Variants in ZNF474 observed in about 807,000 individuals in gnomAD.
ZNF474 encodes 4933409D10Rik.
For missense variants in ZNF474, 511 were observed against 433.8 expected (o/e 1.18, Z -1.58); for synonymous variants, 192 against 162.2 (o/e 1.18, Z -1.39).
At chr5:122,133,452 T>G (rs2152603083) in intron 1 of ZNF474, among the ~76,000 whole-genome samples, 1 of 152,320 alleles carries the variant, frequency 6.6e-6, no homozygotes, top group Non-Finnish European at 1.5e-5. Context: ...GAAAAAATAT[T>G]TTCCAGCATC....
Position 122,152,337 on chromosome 5 carries a change from G to A in ZNF474, c.347G>A (p.Cys116Tyr). The A allele has an allele frequency of 6.2e-7, 1 of 1,614,216 alleles. No homozygotes were observed. The highest frequency in any genetic ancestry group is 8.5e-7 in the Non-Finnish European group (1 of 1,180,044). Residue 116 changes from cysteine to tyrosine, a missense_variant, in exon 2 of 2, where the codon TGC becomes TAC. Physicochemically the swap from Cys to Tyr is radical, Grantham distance 194 (BLOSUM62 -2). Transcript: ENST00000296600. ...SQSIAIHEPQ[C>Y]LQKWHIENSK... ...TCAATTGCCATTCATGAACCCCAGT[G>A]CTTGCAGAAGTGGCATATTGAAAAC...
rs372779894 is a variant in ZNF474, at chr5:122,140,002, T to A, written c.-213+10319T>A. ...ATGCCTATTATTGGTGTCCCATGAA[T>A]GTAGGCCAATGGAATTCTCTGAAAA... On this transcript the variant is annotated intron_variant, in intron 1 of 1. Transcript: ENST00000296600. Among the ~76,000 whole-genome samples, 14 of 152,286 alleles carry A rather than the reference T, an allele frequency of 9.2e-5. No individual in the cohort carries two copies. In the East Asian group the frequency reaches 1.3e-3, roughly 15 times the overall value.
Position 122,153,178 on chromosome 5 carries a change from C to A in ZNF474, c.*93C>A. 1.3e-6 allele frequency: 2 copies of A among 1,490,182 alleles called. No individual in the cohort carries two copies. Among genetic ancestry groups the A allele is most frequent in the South Asian group, 1.4e-5 (1 of 72,392 alleles). 92.3% of individuals were successfully genotyped at this position (1,490,182 alleles called of 1,614,324 possible). On this transcript the variant is annotated 3_prime_UTR_variant, in exon 2 of 2. Coordinates refer to ENST00000296600, the MANE Select transcript of ZNF474 (RefSeq NM_207317.3). ...TGTATCAGCCTCAAAGCAGCCTGTTCAAGTTAACTCCCTGTTGAACTCCAG... is the reference window on the plus strand; with the variant it reads ...TGTATCAGCCTCAAAGCAGCCTGTTAAAGTTAACTCCCTGTTGAACTCCAG...
chr5:122,138,439 C>T (rs1369600246), intron 1 of ZNF474, among the ~76,000 whole-genome samples: 1 of 152,080 alleles, frequency 6.6e-6, no homozygotes, highest in Admixed American at 6.6e-5. Context: ...TGAGACTTCT[C>T]CCAAGTTCAA....
In ZNF474 at chr5:122,144,670, T is replaced by A. The variant is rs1755940322; in HGVS notation, c.-212-7109T>A. On this transcript the variant is annotated intron_variant, in intron 1 of 1. Transcript: ENST00000296600. ...TGAAAAAGACATATTGGTATAGAGC[T>A]ATCCTGTTGGAAGAAAATTATCCTA... 3.9e-5 allele frequency among the ~76,000 whole-genome samples: 6 copies of A among 152,240 alleles called. No homozygotes were observed. In the South Asian group the frequency reaches 1.2e-3, roughly 31 times the overall value.
intron 1 of ZNF474, among the ~76,000 whole-genome samples, chr5:122,145,146 T>G (rs1212044423): frequency 6.6e-6 from 1 of 152,220 alleles, no homozygotes; most frequent in Non-Finnish European, 1.5e-5. Flanking sequence ...TTTCTTGACC[T>G]AAAATTATTC....
intron 1 of ZNF474, among the ~76,000 whole-genome samples, chr5:122,139,837 A>T (rs1755790266): frequency 6.6e-6 from 1 of 152,234 alleles, no homozygotes; most frequent in South Asian, 2.1e-4. Flanking sequence ...TTCTCAAGAT[A>T]GAGAAGAAAA....
In ZNF474 at chr5:122,152,722, G is replaced by A. The variant is rs1378383043; in HGVS notation, c.732G>A (p.Leu244=). The A allele has an allele frequency of 6.2e-7, 1 of 1,614,124 alleles. No individual in the cohort carries two copies. The highest frequency in any genetic ancestry group is 1.3e-5 in the African/African-American group (1 of 75,020). The change falls in exon 2 of 2, where the codon CTG becomes CTA. Residue 244 remains leucine (L), a synonymous_variant. Transcript: ENST00000296600. ...LSLPIHEPKC[L]EKWKMENDRL... is the part of the protein sequence containing the mutation. ...TTCCTATTCATGAGCCCAAATGCCT[G>A]GAAAAGTGGAAAATGGAAAATGACC...
At chr5:122,137,800 TGGAG>T (rs1312780845) in intron 1 of ZNF474, among the ~76,000 whole-genome samples, 1 of 152,198 alleles carries the variant, frequency 6.6e-6, no homozygotes, top group Non-Finnish European at 1.5e-5. Flanking sequence ...GGGACAACCA[TGGAG>T]CAGTCAGTCA....
chr5:122,152,087 C>T lies in ZNF474; in HGVS notation c.97C>T (p.Leu33Phe). The T allele has an allele frequency of 1.9e-6, 3 of 1,614,214 alleles. No individual in the cohort carries two copies. The highest frequency in any genetic ancestry group is 2.5e-6 in the Non-Finnish European group (3 of 1,180,032). ...TTTCCTTATCAACCAAGCTGGGCTT[C>T]TCTCTAGTGACTCCTATTCTAGCCT... ...PTFLINQAGL[L>F]SSDSYSSLSP... Residue 33 changes from leucine to phenylalanine, a missense_variant, in exon 2 of 2, where the codon CTC becomes TTC. By Grantham distance (22) the Leu-to-Phe change is conservative. Coordinates refer to ENST00000296600, the MANE Select transcript of ZNF474 (RefSeq NM_207317.3).
rs768116945 is a variant in ZNF474, at chr5:122,152,860, T to C, written c.870T>C (p.Cys290=). Reference sequence around the variant, plus strand: ...CTCAGCTTGTGTTCTGCCCACATTGTAGCCGAATCTTTACCTCAGACCGCC... The same window carrying C: ...CTCAGCTTGTGTTCTGCCCACATTGCAGCCGAATCTTTACCTCAGACCGCC... ...NQAQLVFCPH[C]SRIFTSDRLL... The change falls in exon 2 of 2, where the codon TGT becomes TGC. Residue 290 remains cysteine, a synonymous_variant. Coordinates refer to ENST00000296600, the MANE Select transcript of ZNF474 (RefSeq NM_207317.3). The C allele has an allele frequency of 4.3e-5, 69 of 1,614,080 alleles. No homozygotes were observed. Among genetic ancestry groups the C allele is most frequent in the Non-Finnish European group, 5.7e-5 (67 of 1,180,050 alleles).
chr5:122,145,147 A>G (rs907211998), intron 1 of ZNF474, among the ~76,000 whole-genome samples: 1 of 152,210 alleles, frequency 6.6e-6, no homozygotes, highest in Non-Finnish European at 1.5e-5. Flanking sequence ...TTCTTGACCT[A>G]AAATTATTCA....
At chr5:122,131,250 G>A (rs1245422428) in intron 1 of ZNF474, among the ~76,000 whole-genome samples, 1 of 152,070 alleles carries the variant, frequency 6.6e-6, no homozygotes, top group African/African-American at 2.4e-5. Context: ...AAAACAATAT[G>A]GAAGTTCCTC....
At chr5:122,131,084 T>C (rs1269124604) in intron 1 of ZNF474, among the ~76,000 whole-genome samples, 1 of 151,992 alleles carries the variant, frequency 6.6e-6, no homozygotes, top group Non-Finnish European at 1.5e-5. Context: ...ATTAGGGAAA[T>C]GCAAATAAAA....
At chr5:122,135,507 G>T (rs541171746) in intron 1 of ZNF474, among the ~76,000 whole-genome samples, 5 of 152,188 alleles carry the variant, frequency 3.3e-5, no homozygotes, top group Non-Finnish European at 5.9e-5. Flanking sequence ...TGGTGGCGAG[G>T]ATGTGGAGAA....
intron 1 of ZNF474, among the ~76,000 whole-genome samples, chr5:122,147,590 G>C (rs1473082327): frequency 1.5e-5 from 2 of 137,910 alleles, no homozygotes; most frequent in Non-Finnish European, 3.0e-5. Context: ...TGTTCTCATT[G>C]TTCAGTTCCC....
At chr5:122,131,195 A>C (rs1166072878) in intron 1 of ZNF474, among the ~76,000 whole-genome samples, 1 of 152,112 alleles carries the variant, frequency 6.6e-6, no homozygotes, top group Non-Finnish European at 1.5e-5. Context: ...ACCCTTATAC[A>C]CTGTTTGTGG....
chr5:122,150,701 C>T (rs540399812), intron 1 of ZNF474, among the ~76,000 whole-genome samples: 1 of 152,158 alleles, frequency 6.6e-6, no homozygotes, highest in Admixed American at 6.6e-5. Context: ...AAAATTTACT[C>T]ATAACTTTTC....
chr5:122,141,252 G>T (rs773918444), intron 1 of ZNF474, among the ~76,000 whole-genome samples: 2 of 147,404 alleles, frequency 1.4e-5, no homozygotes, highest in Non-Finnish European at 3.0e-5. Flanking sequence ...TCAGGTTCAA[G>T]CTATTCTCAT....
Sources: gnomAD v4.1 joint callset for allele counts (sites outside exome capture counted in the v4.1 genomes callset) on GRCh38, gnomAD v4.1.1 for gene constraint, MANE v1.5 for transcripts, NCBI Gene and HGNC (gene_info 2026-07-23, HGNC 2026-07-21) for gene names.